ZNF141: variants seen among roughly 807,000 people sequenced by gnomAD.
ZNF141 encodes the protein zinc finger protein 141, also known as zinc finger protein 141 (clone pHZ-44).
A neutral mutation model predicts 11.3 loss-of-function variants in ZNF141; 7 were observed. The ratio of observed to expected loss-of-function variants is 0.62; its 90% confidence interval spans 0.35 to 1.16. The LOEUF (loss-of-function observed/expected upper bound fraction) is 1.16. Ranked by LOEUF, ZNF141 falls within the 50% of genes most tolerant of loss-of-function variation. The pLI is 0.02. For synonymous variants in ZNF141, 183 were observed against 190.7 expected, an observed-to-expected ratio of 0.96 and a Z score of 0.33; for missense variants, 535 against 554.0, an observed-to-expected ratio of 0.97 and a Z score of 0.34.
chr4:362,879 A>G (rs1413149759), intron 3 of ZNF141, among the ~76,000 whole-genome samples: 2 of 152,168 alleles, frequency 1.3e-5, no homozygotes, highest in Admixed American at 1.3e-4. Context: ...TTGGTTCCAT[A>G]TGAACTTTAA....
At chr4:351,497 T>A (rs1553850449) in intron 3 of ZNF141, among the ~76,000 whole-genome samples, 1 of 152,200 alleles carries the variant, frequency 6.6e-6, no homozygotes, top group African/African-American at 2.4e-5. Flanking sequence ...GTGCTGAGAT[T>A]ACAGGCGTGA....
At chr4:365,415 C>T (rs188431956) in intron 3 of ZNF141, among the ~76,000 whole-genome samples, 32 of 152,334 alleles carry the variant, frequency 2.1e-4, no homozygotes, top group Non-Finnish European at 3.5e-4. Flanking sequence ...CCGTCTTTTA[C>T]GTCAGTCACG....
chr4:356,108 G>A (rs1553851181), intron 3 of ZNF141, among the ~76,000 whole-genome samples: 2 of 151,514 alleles, frequency 1.3e-5, no homozygotes, highest in Admixed American at 6.6e-5. Flanking sequence ...GCGGCTGCCT[G>A]TAATCCCAGC....
rs1560175947 is a variant in ZNF141, at chr4:337,917, C to T, written c.-67C>T. The T allele has an allele frequency of 1.9e-6, 3 of 1,603,608 alleles. No homozygotes were observed. Among genetic ancestry groups the T allele is most frequent in the Non-Finnish European group, 2.6e-6 (3 of 1,172,322 alleles). ...GATTCGGCCACAGCTCAGCCTCCGT[C>T]GCTCTGTGACCTGCGGGTATTGGAT... On this transcript the variant is annotated 5_prime_UTR_variant, in exon 1 of 4. Coordinates refer to ENST00000240499, the MANE Select transcript of ZNF141 (RefSeq NM_003441.4).
chr4:338,043 G>C, intron 1 of ZNF141, 57 bp downstream of exon 1: 1 of 1,610,150 alleles, frequency 6.2e-7, no homozygotes, highest in East Asian at 2.2e-5. Context: ...GAGCTGGCGG[G>C]AAATGGCGGC....
intron 1 of ZNF141, among the ~76,000 whole-genome samples, chr4:340,169 G>T (rs1720981423): frequency 6.6e-6 from 1 of 152,218 alleles, no homozygotes; most frequent in African/African-American, 2.4e-5. Context: ...ACGCTGTCAA[G>T]AATTACTAGA....
intron 3 of ZNF141, among the ~76,000 whole-genome samples, 177 bp from the exon 4 acceptor site, chr4:372,487 G>C (rs553724812): frequency 9.8e-5 from 15 of 152,354 alleles, no homozygotes; most frequent in Non-Finnish European, 1.6e-4. Context: ...AGATTTCACA[G>C]AAAGGTGTCT....
intron 3 of ZNF141, among the ~76,000 whole-genome samples, chr4:363,753 G>A (rs1711592056): frequency 6.9e-6 from 1 of 144,290 alleles, no homozygotes; most frequent in South Asian, 2.3e-4. Context: ...GTGAGACTCT[G>A]TCTCCAAAAA....
chr4:357,627 C>T (rs984977675), intron 3 of ZNF141, among the ~76,000 whole-genome samples: 3 of 151,562 alleles, frequency 2.0e-5, no homozygotes, highest in African/African-American at 7.3e-5. Flanking sequence ...TCCTGAACCT[C>T]TTAAGAGATG....
chr4:362,534 C>G (rs1581612131), intron 3 of ZNF141, among the ~76,000 whole-genome samples: 1 of 152,118 alleles, frequency 6.6e-6, no homozygotes, highest in Non-Finnish European at 1.5e-5. Flanking sequence ...AGTCTTTAAT[C>G]CATCTTGAAT....
rs75275751 is a variant in ZNF141, at chr4:375,865, G to A, written c.*2003G>A. Among the ~76,000 whole-genome samples the A allele has an allele frequency of 0.014, 2,195 of 152,040 alleles. 55 individuals are homozygous for A. Among genetic ancestry groups the A allele is most frequent in the African/African-American group, 0.049 (2,016 of 41,506 alleles). Reference sequence around the variant, plus strand: ...TGTGAATTTTTACAAGAAAGAGTGAGGACAGAAATGAAAGATCCATGATGA... The same window carrying A: ...TGTGAATTTTTACAAGAAAGAGTGAAGACAGAAATGAAAGATCCATGATGA... On this transcript the variant is annotated 3_prime_UTR_variant, in exon 4 of 4. Coordinates refer to ENST00000240499, the MANE Select transcript of ZNF141 (RefSeq NM_003441.4).
intron 3 of ZNF141, among the ~76,000 whole-genome samples, chr4:353,673 G>A (rs1435645902): frequency 5.3e-5 from 8 of 151,840 alleles, no homozygotes; most frequent in Non-Finnish European, 7.4e-5. Flanking sequence ...TGTTGGCCAG[G>A]CTAGTCTGGA....
chr4:373,930 GAA>G lies in ZNF141; in HGVS notation c.*71_*72del. ...GATCCACAAACCTTAATGAACATGA[GAA>G]AATTTATACTGTAGAGAAACCCTGG... is the stretch of plus-strand genomic sequence containing the variant. On this transcript the variant is annotated 3_prime_UTR_variant, in exon 4 of 4. Coordinates refer to ENST00000240499, the MANE Select transcript of ZNF141 (RefSeq NM_003441.4). 7.3e-7 allele frequency: 1 copy of G among 1,365,566 alleles called. No homozygotes were observed. Among genetic ancestry groups the G allele is most frequent in the Non-Finnish European group, 1.0e-6 (1 of 991,498 alleles). 84.6% of individuals were successfully genotyped at this position (1,365,566 alleles called of 1,614,324 possible).
intron 1 of ZNF141, among the ~76,000 whole-genome samples, chr4:339,083 C>T (rs1207248546): frequency 2.0e-5 from 3 of 152,260 alleles, no homozygotes; most frequent in Non-Finnish European, 2.9e-5. Flanking sequence ...CACTCCTGAG[C>T]CCGCCCATTG....
intron 3 of ZNF141, among the ~76,000 whole-genome samples, chr4:345,062 C>A (rs34483255): frequency 2.0e-4 from 31 of 151,922 alleles, no homozygotes; most frequent in African/African-American, 7.0e-4. Flanking sequence ...ATTTGTGTTA[C>A]TGAGGAGCTG....
At chr4:370,313 T>C (rs558294184) in intron 3 of ZNF141, among the ~76,000 whole-genome samples, 1 of 152,328 alleles carries the variant, frequency 6.6e-6, no homozygotes, top group Admixed American at 6.5e-5. Flanking sequence ...CATATGTTTT[T>C]CAGAAAGTTA....
intron 3 of ZNF141, among the ~76,000 whole-genome samples, chr4:367,418 A>G (rs1711797403): frequency 6.6e-6 from 1 of 152,150 alleles, no homozygotes; most frequent in Admixed American, 6.5e-5. Context: ...TGTGGGAGAA[A>G]CACTTTTGCG....
At chr4:367,925 T>A (rs1460925533) in intron 3 of ZNF141, among the ~76,000 whole-genome samples, 1 of 152,212 alleles carries the variant, frequency 6.6e-6, no homozygotes, top group Non-Finnish European at 1.5e-5. Flanking sequence ...ATAAATACTT[T>A]TAAGTATTTA....
intron 3 of ZNF141, among the ~76,000 whole-genome samples, chr4:362,288 G>A (rs782338389): frequency 5.0e-4 from 76 of 152,184 alleles, no homozygotes; most frequent in Non-Finnish European, 9.0e-4. Context: ...GCCCTTTGTT[G>A]GATGGGTAGA....
Sources: gnomAD v4.1 joint callset for allele counts (sites outside exome capture counted in the v4.1 genomes callset) on GRCh38, gnomAD v4.1.1 for gene constraint, MANE v1.5 for transcripts, NCBI Gene and HGNC (gene_info 2026-07-23, HGNC 2026-07-21) for gene names.